GLIPR1L1: variants seen among roughly 807,000 people sequenced by gnomAD.
The protein encoded by GLIPR1L1 is GLIPR1-like protein 1.
Under a neutral mutation model 29.9 loss-of-function variants are expected in GLIPR1L1, and 26 were observed. The observed-to-expected ratio is 0.87, with a 90% confidence interval of 0.64 to 1.21. The LOEUF is 1.21. GLIPR1L1 is among the 50% of genes most tolerant of loss of function. The probability of loss-of-function intolerance (pLI) is 0.00; values close to 1 mark genes in which losing one functional copy is unlikely to be tolerated. For synonymous variants in GLIPR1L1, 77 were observed against 97.5 expected, an observed-to-expected ratio of 0.79 and a Z score of 1.24; for missense variants, 305 against 290.3, an observed-to-expected ratio of 1.05 and a Z score of -0.37.
At chr12:75,352,972 AATCTCTGGG>A (rs1245456714) in intron 3 of GLIPR1L1, among the ~76,000 whole-genome samples, 1 of 152,190 alleles carries the variant, frequency 6.6e-6, no homozygotes, top group Non-Finnish European at 1.5e-5. Context: ...AACACACTAG[AATCTCTGGG>A]ACGCAGCTAA....
At position 75,334,895 on chromosome 12, in the gene GLIPR1L1, A is replaced by T. The variant is rs894590982; in HGVS notation, c.167A>T (p.Lys56Ile). ...GKVNPPAADM[K>I]YMIWDKGLAK... ...GTCAACCCTCCCGCGGCCGACATGA[A>T]ATACATGGTGAGAAAGAACCAGGGC... The change falls in exon 1 of 6, where the codon AAA becomes ATA. Residue 56 changes from lysine to isoleucine, a missense_variant. Transcript: ENST00000378695. 4.3e-5 allele frequency: 70 copies of T among 1,613,656 alleles called. No homozygotes were observed. Among genetic ancestry groups the T allele is most frequent in the Non-Finnish European group, 5.8e-5 (69 of 1,179,696 alleles).
chr12:75,346,314 C>G (rs564263727), intron 2 of GLIPR1L1, among the ~76,000 whole-genome samples: 11 of 152,314 alleles, frequency 7.2e-5, no homozygotes, highest in Admixed American at 7.2e-4. Context: ...CACCTTATCT[C>G]ATTTCATTAA....
chr12:75,359,436 G>C (rs1242301089), intron 3 of GLIPR1L1, among the ~76,000 whole-genome samples: 1 of 127,244 alleles, frequency 7.9e-6, no homozygotes, highest in African/African-American at 3.0e-5. Flanking sequence ...AATTCCACCA[G>C]GATTTTATTG....
intron 3 of GLIPR1L1, among the ~76,000 whole-genome samples, chr12:75,348,118 G>A (rs1194458229): frequency 6.6e-6 from 1 of 151,990 alleles, no homozygotes; most frequent in Non-Finnish European, 1.5e-5. Context: ...TTTAAGAAAA[G>A]AACAACATAA....
chr12:75,347,502 T>C (rs2042531607), intron 2 of GLIPR1L1, 120 bp from the exon 3 acceptor site: 2 of 468,710 alleles, frequency 4.3e-6, no homozygotes, highest in Non-Finnish European at 7.5e-6. Flanking sequence ...AATATGTAAC[T>C]AATAAATATT....
chr12:75,351,773 C>G (rs2042831471), intron 3 of GLIPR1L1, among the ~76,000 whole-genome samples: 1 of 152,160 alleles, frequency 6.6e-6, no homozygotes. Context: ...TCTCGAACTC[C>G]TGACCTCAGG....
chr12:75,351,601 T>C lies in GLIPR1L1; in HGVS notation c.521+3879T>C, dbSNP rs547231357. Among the ~76,000 whole-genome samples, 30 of 151,690 alleles carry C rather than the reference T, an allele frequency of 2.0e-4. No individual in the cohort carries two copies. The South Asian group carries it at 6.0e-3, about 31-fold the overall frequency. ...CCACTCTGTCACCCAAGGTGGAGTGTACTGGTGTGATCTTGACTTACTACC... is the reference window on the plus strand; with the variant it reads ...CCACTCTGTCACCCAAGGTGGAGTGCACTGGTGTGATCTTGACTTACTACC... On this transcript the variant is annotated intron_variant, in intron 3 of 5. Transcript: ENST00000378695.
At chr12:75,367,003 G>A (rs1459774555) in intron 4 of GLIPR1L1, 1 of 701,406 alleles carries the variant, frequency 1.4e-6, no homozygotes, top group South Asian at 1.5e-5. Flanking sequence ...TTTCTCTTCA[G>A]AGCTGAGGAG....
At chr12:75,336,237 G>A (rs1409997485) in intron 1 of GLIPR1L1, among the ~76,000 whole-genome samples, 1 of 151,800 alleles carries the variant, frequency 6.6e-6, no homozygotes, top group African/African-American at 2.4e-5. Context: ...AATCCAGTAA[G>A]TAGAATACTA....
chr12:75,349,277 TC>T (rs1164958179), intron 3 of GLIPR1L1, among the ~76,000 whole-genome samples: 1 of 152,176 alleles, frequency 6.6e-6, no homozygotes, highest in Non-Finnish European at 1.5e-5. Context: ...ATCAAAATGT[TC>T]CCATGTAATT....
chr12:75,337,175 CT>C (rs2041792716), intron 1 of GLIPR1L1, among the ~76,000 whole-genome samples: 2 of 151,696 alleles, frequency 1.3e-5, no homozygotes, highest in East Asian at 3.9e-4. Flanking sequence ...AAATCAAGAC[CT>C]ATTCTTTCAA....
At chr12:75,339,662 G>A (rs141996820) in intron 1 of GLIPR1L1, among the ~76,000 whole-genome samples, 4 of 152,136 alleles carry the variant, frequency 2.6e-5, no homozygotes, top group East Asian at 3.9e-4. Context: ...ATATTTGCCC[G>A]TGCCTATGTC....
chr12:75,352,579 T>C (rs1422925503), intron 3 of GLIPR1L1, among the ~76,000 whole-genome samples: 1 of 151,980 alleles, frequency 6.6e-6, no homozygotes, highest in Non-Finnish European at 1.5e-5. Flanking sequence ...CCACTGTCAA[T>C]ATTAGCCAGA....
intron 2 of GLIPR1L1, among the ~76,000 whole-genome samples, chr12:75,344,214 C>A (rs1040253300): frequency 1.3e-5 from 2 of 152,002 alleles, no homozygotes; most frequent in African/African-American, 2.4e-5. Context: ...CTTTCTCTCA[C>A]TCTCTCTCTT....
At chr12:75,359,964 G>A (rs951464264) in intron 3 of GLIPR1L1, 4 of 152,076 alleles carry the variant, frequency 2.6e-5, no homozygotes, top group Non-Finnish European at 4.4e-5. Flanking sequence ...GATGGCATAA[G>A]GCAAAGGGGA....
Position 75,362,227 on chromosome 12 carries a change from A to G in GLIPR1L1, c.522-875A>G, listed in dbSNP as rs561687801. Reference sequence around the variant, plus strand: ...TTTTAATTTTTTTTAAATACAAAGAAGATATGTAGGTAACAAATACACACA... The same window carrying G: ...TTTTAATTTTTTTTAAATACAAAGAGGATATGTAGGTAACAAATACACACA... On this transcript the variant is annotated intron_variant, in intron 3 of 5. Transcript: ENST00000378695. Among the ~76,000 whole-genome samples, 13 of 152,270 alleles carry G rather than the reference A, an allele frequency of 8.5e-5. No individual in the cohort carries two copies. In the East Asian group the frequency reaches 2.3e-3, roughly 27 times the overall value.
At chr12:75,357,074 C>G (rs1292976103) in intron 3 of GLIPR1L1, among the ~76,000 whole-genome samples, 1 of 152,010 alleles carries the variant, frequency 6.6e-6, no homozygotes, top group Non-Finnish European at 1.5e-5. Flanking sequence ...GCCTGTAGTT[C>G]AGTTACTCAG....
At chr12:75,341,849 A>G (rs11180469) in intron 1 of GLIPR1L1, among the ~76,000 whole-genome samples, 34,712 of 146,642 alleles carry the variant, frequency 0.24, 4,106 homozygotes, top group Middle Eastern at 0.31. Flanking sequence ...TCCTAGGTTC[A>G]AGCAATTCTC....
chr12:75,363,232 A>T, intron 4 of GLIPR1L1, 42 bp downstream of exon 4: 1 of 897,964 alleles, frequency 1.1e-6, no homozygotes, highest in Non-Finnish European at 1.6e-6. Flanking sequence ...TAGAGAGTAA[A>T]GTTTCCATAT....
Sources: gnomAD v4.1 joint callset for allele counts (sites outside exome capture counted in the v4.1 genomes callset) on GRCh38, gnomAD v4.1.1 for gene constraint, MANE v1.5 for transcripts, NCBI Gene and HGNC (gene_info 2026-07-23, HGNC 2026-07-21) for gene names.